ATP13A5: variants seen among roughly 807,000 people sequenced by gnomAD.
ATP13A5 encodes the protein ATPase 13A5, also known as probable cation-transporting ATPase 13A5.
In ATP13A5, 149 loss-of-function variants were observed where a neutral mutation model predicts 150.2. The ratio of observed to expected loss-of-function variants is 0.99; its 90% CI spans 0.87 to 1.14. The LOEUF (loss-of-function observed/expected upper bound fraction) is 1.14. Among genes scored for constraint, ATP13A5 ranks in the 50% most tolerant of loss-of-function variants. The probability of loss-of-function intolerance (pLI) is 0.00; values close to 1 mark genes in which losing one functional copy is unlikely to be tolerated. For synonymous variants in ATP13A5, 497 were observed against 522.2 expected (o/e 0.95, Z 0.66); for missense variants, 1,383 against 1,449.3 (o/e 0.95, Z 0.74).
chr3:193,321,754 A>G lies in ATP13A5; in HGVS notation c.1842T>C (p.Ala614=). 6.2e-7 allele frequency: 1 copy of G among 1,614,204 alleles called. No individual in the cohort carries two copies. The highest frequency in any genetic ancestry group is 8.5e-7 in the Non-Finnish European group (1 of 1,180,016). ...TGTAGACATGGAAATGATTCTCCCC[A>G]GCTAGCTGAGCGATCACGGACATCC... ...LQRMSVIAQL[A]GENHFHVYMK... Residue 614 remains alanine (A), a synonymous_variant, in exon 16 of 30, where the codon GCT becomes GCC. Transcript: ENST00000342358.
In ATP13A5 at chr3:193,347,553, A is replaced by G. The variant is rs73888281; in HGVS notation, c.742-2478T>C. Among the ~76,000 whole-genome samples the G allele has an allele frequency of 3.4e-5, 5 of 145,678 alleles. No individual in the cohort carries two copies. The Admixed American group carries it at 3.5e-4, about 10-fold the overall frequency. On this transcript the variant is annotated intron_variant, in intron 7 of 29. Transcript: ENST00000342358. ...TTTTTTTGCTTAGAAACTCGTTTAG[A>G]TAATGCCAAATTCAGCTTAGCATAA...
At chr3:193,341,533 C>T (rs956588330) in intron 9 of ATP13A5, among the ~76,000 whole-genome samples, 3 of 152,054 alleles carry the variant, frequency 2.0e-5, no homozygotes, top group Admixed American at 6.6e-5. Flanking sequence ...GGAAACAGCG[C>T]GAACAGCACC....
intron 1 of ATP13A5, among the ~76,000 whole-genome samples, chr3:193,373,511 T>C (rs1471212126): frequency 7.1e-6 from 1 of 141,000 alleles, no homozygotes; most frequent in African/African-American, 2.7e-5. Context: ...CCTCAAACAA[T>C]GATCATTCTT....
At chr3:193,359,350 G>A (rs1712914442) in intron 5 of ATP13A5, among the ~76,000 whole-genome samples, 1 of 152,154 alleles carries the variant, frequency 6.6e-6, no homozygotes, top group African/African-American at 2.4e-5. Flanking sequence ...TGAGGAGTAA[G>A]AGAGTAGGGT....
In ATP13A5 at chr3:193,329,236, T is replaced by A. The variant is rs564447789; in HGVS notation, c.1461+1887A>T. Among the ~76,000 whole-genome samples, 9 of 116,152 alleles carry A rather than the reference T, an allele frequency of 7.7e-5. No homozygotes were observed. The South Asian group carries it at 2.4e-3, about 31-fold the overall frequency. 76.2% of individuals were successfully genotyped at this position (116,152 alleles called of 152,430 possible). On this transcript the variant is annotated intron_variant, in intron 12 of 29. Transcript: ENST00000342358. The stretch of plus-strand genomic sequence containing the variant: ...AGCCTGGTGACAGAGCGAGACTCCA[T>A]CTCAAAAGAAAAAAAAAAAAAGGTC...
At chr3:193,307,061 C>A (rs1179182753) in intron 22 of ATP13A5, 10 of 965,738 alleles carry the variant, frequency 1.0e-5, no homozygotes, top group Non-Finnish European at 1.2e-5. Context: ...TTGTAAAGTT[C>A]CATCTTTGGA....
chr3:193,362,388 C>G lies in ATP13A5; in HGVS notation c.529G>C (p.Glu177Gln). ...FGLGLTSEEQEVRRLVCGPNA... is the reference protein window; with the variant it reads ...FGLGLTSEEQQVRRLVCGPNA... ...GCATATAATAAGTCCTACCTGACCTCTTGCTCTTCACTGGTCAGACCCAAT... is the reference window on the plus strand; with the variant it reads ...GCATATAATAAGTCCTACCTGACCTGTTGCTCTTCACTGGTCAGACCCAAT... The change falls in exon 5 of 30, where the codon GAG becomes CAG. Residue 177 changes from glutamate (E) to glutamine (Q), a missense_variant. Glu to Gln is a conservative substitution (Grantham distance 29). Transcript: ENST00000342358. 1 of 1,614,030 alleles carries G rather than the reference C, an allele frequency of 6.2e-7. No individual in the cohort carries two copies. Among genetic ancestry groups the G allele is most frequent in the Non-Finnish European group, 8.5e-7 (1 of 1,179,924 alleles).
intron 29 of ATP13A5, among the ~76,000 whole-genome samples, chr3:193,275,752 T>G (rs997381010): frequency 1.3e-5 from 2 of 152,268 alleles, no homozygotes; most frequent in African/African-American, 4.8e-5. Context: ...AGTTTTCTTT[T>G]GTTCACATGC....
At chr3:193,370,887 A>G (rs112213196) in intron 1 of ATP13A5, among the ~76,000 whole-genome samples, 1 of 152,252 alleles carries the variant, frequency 6.6e-6, no homozygotes, top group African/African-American at 2.4e-5. Flanking sequence ...AGTCTGGAGT[A>G]AGAAAAACTT....
At chr3:193,293,963 C>A (rs1419986153) in intron 25 of ATP13A5, among the ~76,000 whole-genome samples, 1 of 152,040 alleles carries the variant, frequency 6.6e-6, no homozygotes, top group Non-Finnish European at 1.5e-5. Context: ...TTTCACGATC[C>A]CACCTTCATT....
intron 2 of ATP13A5, among the ~76,000 whole-genome samples, chr3:193,363,838 C>T (rs1405552802): frequency 6.6e-6 from 1 of 152,172 alleles, no homozygotes; most frequent in East Asian, 1.9e-4. Context: ...CATGTAATGG[C>T]TAAGAGCACT....
chr3:193,285,500 C>G lies in ATP13A5; in HGVS notation c.3024-384G>C, dbSNP rs573083898. 9.8e-5 allele frequency among the ~76,000 whole-genome samples: 15 copies of G among 152,310 alleles called. No homozygotes were observed. The South Asian group carries it at 2.1e-3, about 21-fold the overall frequency. ...TTGAGTCTGCCACTCCTATTTACTT[C>G]CCTCAGATAGCTAAAGGATCTTCCT... On this transcript the variant is annotated intron_variant, in intron 26 of 29. Coordinates refer to ENST00000342358, the MANE Select transcript of ATP13A5 (RefSeq NM_198505.4).
At chr3:193,337,780 T>A (rs922081556) in intron 9 of ATP13A5, among the ~76,000 whole-genome samples, 5 of 152,212 alleles carry the variant, frequency 3.3e-5, no homozygotes, top group African/African-American at 1.2e-4. Flanking sequence ...AAGTCATTGG[T>A]AGCTTGATGG....
At chr3:193,340,538 T>C (rs1200420086) in intron 9 of ATP13A5, among the ~76,000 whole-genome samples, 2 of 152,124 alleles carry the variant, frequency 1.3e-5, no homozygotes, top group Middle Eastern at 3.2e-3. Context: ...TCCCTGCATG[T>C]CCAACTCAGG....
intron 28 of ATP13A5, chr3:193,277,577 C>T (rs1717280223): frequency 6.6e-6 from 1 of 152,212 alleles, no homozygotes; most frequent in Non-Finnish European, 1.5e-5. Flanking sequence ...ATCCCTAATT[C>T]TCACCCCTAT....
intron 23 of ATP13A5, 29 bp downstream of exon 23, chr3:193,305,530 T>C (rs1211647274): frequency 3.2e-6 from 5 of 1,550,678 alleles, no homozygotes; most frequent in African/African-American, 1.4e-5. Context: ...CCATTGATTG[T>C]AGGGCTGGAA....
At chr3:193,276,200 ACT>A (rs1717191761) in intron 29 of ATP13A5, among the ~76,000 whole-genome samples, 1 of 152,168 alleles carries the variant, frequency 6.6e-6, no homozygotes, top group South Asian at 2.1e-4. Context: ...TTAAAATAAA[ACT>A]CTCCTTTTAC....
rs558565471 is a variant in ATP13A5 at position 193,336,787 on chromosome 3, T to G, written c.944-1688A>C. 3.9e-5 allele frequency among the ~76,000 whole-genome samples: 6 copies of G among 152,342 alleles called. No homozygotes were observed. In the East Asian group the frequency reaches 1.2e-3, roughly 29 times the overall value. On this transcript the variant is annotated intron_variant, in intron 9 of 29. Coordinates refer to ENST00000342358, the MANE Select transcript of ATP13A5 (RefSeq NM_198505.4). Reference sequence around the variant, plus strand: ...TGGCTGGGTCAAATGGTATTTCTAGTTCTAGATCCTTGAGGAATCGCCACA... The same window carrying G: ...TGGCTGGGTCAAATGGTATTTCTAGGTCTAGATCCTTGAGGAATCGCCACA...
chr3:193,359,499 C>T (rs759887914), intron 5 of ATP13A5, among the ~76,000 whole-genome samples: 6 of 152,110 alleles, frequency 3.9e-5, no homozygotes, highest in African/African-American at 7.2e-5. Flanking sequence ...GCAAACCTAC[C>T]TTCTCTTGCT....
Sources: allele counts gnomAD v4.1 joint callset (sites outside exome capture counted in the v4.1 genomes callset), GRCh38; gene constraint gnomAD v4.1.1; transcripts MANE v1.5; gene names NCBI Gene and HGNC (gene_info 2026-07-23, HGNC 2026-07-21).